The following ZIM3 variants were observed in gnomAD, a reference collection of about 807,000 sequenced individuals.
The protein encoded by ZIM3 is zinc finger imprinted 3, also known as zinc finger protein 657.
ZIM3 carries 11 observed loss-of-function variants against 12.9 expected under a neutral mutation model. The observed-to-expected ratio is 0.85, with a 90% CI of 0.54 to 1.41. The LOEUF is 1.41. Ranked by LOEUF, ZIM3 falls within the 40% of genes most tolerant of loss-of-function variation. ZIM3 has a pLI of 0.00. For missense variants in ZIM3, 604 were observed against 557.2 expected (o/e 1.08, Z -0.85); for synonymous variants, 205 against 198.5 (o/e 1.03, Z -0.28).
chr19:57,142,031 C>T (rs762589039), intron 2 of ZIM3, among the ~76,000 whole-genome samples: 4 of 152,004 alleles, frequency 2.6e-5, no homozygotes, highest in Non-Finnish European at 5.9e-5. Flanking sequence ...TCTTCACCTA[C>T]GGCAGCTGAT....
chr19:57,142,511 G>T, intron 2 of ZIM3, 118 bp downstream of exon 2: 3 of 1,033,096 alleles, frequency 2.9e-6, no homozygotes, highest in South Asian at 1.5e-5. Context: ...CCTTTTAATA[G>T]AAGTATGGAA....
In ZIM3 at chr19:57,136,963, C is replaced by T. The variant is rs148120038; in HGVS notation, c.151G>A (p.Glu51Lys). 56 of 1,614,150 alleles carry T rather than the reference C, an allele frequency of 3.5e-5. 2 individuals carry two copies. Among genetic ancestry groups the T allele is most frequent in the Admixed American group, 1.5e-4 (9 of 60,028 alleles). Residue 51 changes from glutamate (E) to lysine (K), a missense_variant, in exon 4 of 5, where the codon GAA becomes AAA. Glu to Lys is a moderately conservative substitution (Grantham distance 56). Transcript: ENST00000269834. ...YSNLVSVGQGETTKPDVILRL... is the reference protein window; with the variant it reads ...YSNLVSVGQGKTTKPDVILRL... ...AAGATCACATCGGGTTTGGTGGTTT[C>T]CCCTTGTCCTGTGATGGAAGATACC...
intron 2 of ZIM3, among the ~76,000 whole-genome samples, 187 bp from the exon 3 acceptor site, chr19:57,138,785 C>T (rs1426547867): frequency 6.6e-6 from 1 of 152,182 alleles, no homozygotes; most frequent in Non-Finnish European, 1.5e-5. Flanking sequence ...CATGACACTG[C>T]CATCTTTCTC....
At chr19:57,136,122 T>G in intron 4 of ZIM3, 27 bp from the exon 5 acceptor site, 1 of 1,574,074 alleles carries the variant, frequency 6.4e-7, no homozygotes, top group Non-Finnish European at 8.6e-7. Flanking sequence ...AAAAATGTCC[T>G]GTGTAAAACG....
Position 57,135,018 on chromosome 19 carries a change from GT to G in ZIM3, c.1318del (p.Thr440ProfsTer98), listed in dbSNP as rs760126796. On this transcript the variant is annotated frameshift_variant, in exon 5 of 5. Transcript: ENST00000269834. LOFTEE classifies it low-confidence loss of function (END_TRUNC). ...RKLNLSLHKK[T>X]HTGQKPYGCS... ...TCCATAAGGTTTTTGTCCAGTATGGGTTTTTTTATGCAAACTAAGGTTTAAT... is the reference window on the plus strand; with the variant it reads ...TCCATAAGGTTTTTGTCCAGTATGGGTTTTTTATGCAAACTAAGGTTTAAT... 117 of 1,614,044 alleles carry G rather than the reference GT, an allele frequency of 7.2e-5. No homozygotes were observed. The highest frequency in any genetic ancestry group is 1.5e-4 in the Admixed American group (9 of 60,002).
At chr19:57,142,201 T>G (rs999500885) in intron 2 of ZIM3, among the ~76,000 whole-genome samples, 2 of 146,138 alleles carry the variant, frequency 1.4e-5, no homozygotes, top group Non-Finnish European at 3.0e-5. Context: ...TGGAGTGCAG[T>G]GGCACAATCA....
rs150586475 is a variant in ZIM3, at chr19:57,137,096, A to G, written c.143-125T>C. ...TATTTGTGTGTGAGTGTGAGCATTTATATGTCAGTGTGTGGGTATGTGCCA... is the reference window on the plus strand; with the variant it reads ...TATTTGTGTGTGAGTGTGAGCATTTGTATGTCAGTGTGTGGGTATGTGCCA... On this transcript the variant is annotated intron_variant, in intron 3 of 4. Transcript: ENST00000269834. 171 of 888,528 alleles carry G rather than the reference A, an allele frequency of 1.9e-4. No individual in the cohort carries two copies. In the Middle Eastern group the frequency reaches 4.8e-3, roughly 25 times the overall value. 55.0% of individuals were successfully genotyped at this position (888,528 alleles called of 1,614,324 possible). A position where few individuals can be genotyped will look rare whatever the true frequency, so the allele number is the denominator to read the frequency against.
At chr19:57,144,292 C>T (rs1347624528) in intron 1 of ZIM3, among the ~76,000 whole-genome samples, 3 of 146,546 alleles carry the variant, frequency 2.0e-5, no homozygotes, top group Non-Finnish European at 4.4e-5. Flanking sequence ...TCAAGCAATC[C>T]TCCTCCCTCA....
At chr19:57,141,921 C>T (rs1304712510) in intron 2 of ZIM3, among the ~76,000 whole-genome samples, 1 of 151,706 alleles carries the variant, frequency 6.6e-6, no homozygotes, top group East Asian at 1.9e-4. Context: ...TTGCCCCCTC[C>T]CTAGTCTTGC....
chr19:57,142,248 A>G (rs2086916981), intron 2 of ZIM3, among the ~76,000 whole-genome samples: 1 of 149,472 alleles, frequency 6.7e-6, no homozygotes, highest in Non-Finnish European at 1.5e-5. Context: ...GGTTCAAGCG[A>G]TTCTCCCACC....
chr19:57,138,948 TG>T (rs1368751557), intron 2 of ZIM3, among the ~76,000 whole-genome samples: 4 of 151,906 alleles, frequency 2.6e-5, no homozygotes, highest in African/African-American at 9.7e-5. Context: ...CCCAACATTT[TG>T]GGAGGCCGAG....
Position 57,137,942 on chromosome 19 carries a change from GGAAGGAAAGAAGGAAGGAAGGAAGGAAA to G in ZIM3, c.142+502_142+529del, listed in dbSNP as rs2086895469. ...AGGAAAGAAGGAAGGAAGGAAGGAA[GGAAGGAAAGAAGGAAGGAAGGAAGGAAA>G]GAAGGAAGGAAAGAAGGAAGGAAGG... is the stretch of plus-strand genomic sequence containing the variant. On this transcript the variant is annotated intron_variant, in intron 3 of 4. Transcript: ENST00000269834. Among the ~76,000 whole-genome samples the G allele has an allele frequency of 1.8e-4, 9 of 50,742 alleles. 1 individual carries two copies. In the South Asian group the frequency reaches 2.5e-3, roughly 14 times the overall value. The allele number at this position is 50,742 out of a possible 152,430, so 33.3% of individuals were successfully genotyped here. A position where few individuals can be genotyped will look rare whatever the true frequency, so the allele number is the denominator to read the frequency against.
intron 2 of ZIM3, among the ~76,000 whole-genome samples, chr19:57,141,002 A>G (rs1271321916): frequency 6.6e-6 from 1 of 152,210 alleles, no homozygotes; most frequent in Non-Finnish European, 1.5e-5. Flanking sequence ...CACACATTCA[A>G]GACACCAATC....
Position 57,135,394 on chromosome 19 carries a change from C to G in ZIM3, c.943G>C (p.Ala315Pro). ...ACAAGATCTGACTTGTAAATGAAAG[C>G]CTTTCCACAGTCCGTACATTGAAAG... ...KPFQCTDCGK[A>P]FIYKSDLVKH... The change falls in exon 5 of 5, where the codon GCT becomes CCT. Residue 315 changes from alanine to proline, a missense_variant. Coordinates refer to ENST00000269834, the MANE Select transcript of ZIM3 (RefSeq NM_052882.1). 6.2e-7 allele frequency: 1 copy of G among 1,613,956 alleles called. No individual in the cohort carries two copies.
intron 3 of ZIM3, among the ~76,000 whole-genome samples, chr19:57,137,657 G>T (rs1226766575): frequency 6.7e-6 from 1 of 148,610 alleles, no homozygotes; most frequent in Non-Finnish European, 1.5e-5. Flanking sequence ...AGGTTGCAGT[G>T]AGCCGAGATC....
At position 57,134,809 on chromosome 19, in the gene ZIM3, G is replaced by A. The variant is rs1481260207; in HGVS notation, c.*109C>T. 6.0e-6 allele frequency: 7 copies of A among 1,159,996 alleles called. No individual in the cohort carries two copies. The South Asian group carries it at 6.3e-5, about 10-fold the overall frequency. 71.9% of individuals were successfully genotyped at this position (1,159,996 alleles called of 1,614,324 possible). A position where few individuals can be genotyped will look rare whatever the true frequency, so the allele number is the denominator to read the frequency against. On this transcript the variant is annotated 3_prime_UTR_variant, in exon 5 of 5. Coordinates refer to ENST00000269834, the MANE Select transcript of ZIM3 (RefSeq NM_052882.1). ...AAGGATACTGTGATAATAAGTCCTC[G>A]CTACCTTCAAAAATAGCCTCCAAAT...
Position 57,134,639 on chromosome 19 carries a change from T to C in ZIM3, c.*279A>G, listed in dbSNP as rs1201587947. The C allele has an allele frequency of 5.5e-6, 2 of 365,826 alleles. No individual in the cohort carries two copies. Among genetic ancestry groups the C allele is most frequent in the African/African-American group, 4.1e-5 (2 of 48,572 alleles). The allele number at this position is 365,826 out of a possible 1,614,324, so 22.7% of individuals were successfully genotyped here. On this transcript the variant is annotated 3_prime_UTR_variant, in exon 5 of 5. Transcript: ENST00000269834. ...ATGGATACCACTGGTCATTATTCAC[T>C]GGAATAAAACTCCATCAGGGTTTTA...
At position 57,136,979 on chromosome 19, in the gene ZIM3, G is replaced by A; in HGVS notation, c.143-8C>T. 6.2e-7 allele frequency: 1 copy of A among 1,613,918 alleles called. No homozygotes were observed. Among genetic ancestry groups the A allele is most frequent in the Non-Finnish European group, 8.5e-7 (1 of 1,179,788 alleles). Reference sequence around the variant, plus strand: ...TGGTGGTTTCCCCTTGTCCTGTGATGGAAGATACCGCAAGGCTTGGTGTTT... The same window carrying A: ...TGGTGGTTTCCCCTTGTCCTGTGATAGAAGATACCGCAAGGCTTGGTGTTT... On this transcript the variant is annotated splice_region_variant and splice_polypyrimidine_tract_variant and intron_variant, in intron 3 of 4. Coordinates refer to ENST00000269834, the MANE Select transcript of ZIM3 (RefSeq NM_052882.1).
At chr19:57,137,121 A>G (rs2086890657) in intron 3 of ZIM3, 150 bp from the exon 4 acceptor site, 2 of 737,644 alleles carry the variant, frequency 2.7e-6, no homozygotes, top group African/African-American at 3.5e-5. Context: ...GGTATGTGCC[A>G]TTGGTTGGGG....
Sources: gnomAD v4.1 joint callset for allele counts (sites outside exome capture counted in the v4.1 genomes callset) on GRCh38, gnomAD v4.1.1 for gene constraint, MANE v1.5 for transcripts, NCBI Gene and HGNC (gene_info 2026-07-23, HGNC 2026-07-21) for gene names.